AAK1: variants seen among roughly 807,000 people sequenced by gnomAD.
AAK1 encodes AP2-associated protein kinase 1.
In AAK1, 37 loss-of-function variants were observed where a neutral mutation model predicts 116.0. The observed-to-expected ratio is 0.32, with a 90% CI of 0.25 to 0.42. The LOEUF (loss-of-function observed/expected upper bound fraction) is 0.42. Among genes scored for constraint, AAK1 ranks in the 10% least tolerant of loss-of-function variants. The probability of loss-of-function intolerance (pLI) is 1.00; values close to 1 mark genes in which losing one functional copy is unlikely to be tolerated. For synonymous variants in AAK1, 458 were observed against 439.9 expected (o/e 1.04, Z -0.51); for missense variants, 919 against 1,170.6 (o/e 0.79, Z 3.14).
At chr2:69,564,106 T>C (rs6733073) in intron 2 of AAK1, among the ~76,000 whole-genome samples, 6,893 of 151,572 alleles carry the variant, frequency 0.045, 559 homozygotes, top group African/African-American at 0.16. Flanking sequence ...GCAGGAGAAT[T>C]GCTTGAATCA....
Position 69,482,728 on chromosome 2 carries a change from G to A in AAK1, c.2450C>T (p.Thr817Ile). 1 of 1,610,982 alleles carries A rather than the reference G, an allele frequency of 6.2e-7. No homozygotes were observed. The highest frequency in any genetic ancestry group is 8.5e-7 in the Non-Finnish European group (1 of 1,177,152). ...LLPMTDPFGS[T>I]SDAVIEKADV... ...GACTTTACCAATTACAGCATCAGAAGTGCTACCAAAAGGATCTGTCATAGG... is the reference window on the plus strand; with the variant it reads ...GACTTTACCAATTACAGCATCAGAAATGCTACCAAAAGGATCTGTCATAGG... Residue 817 changes from threonine (T) to isoleucine (I), a missense_variant, in exon 18 of 22, where the codon ACT (threonine) becomes ATT (isoleucine). Around this residue, in one of 4 missense-constraint regions of AAK1, gnomAD observed 263 missense variants for 285.5 expected, o/e 0.92. Transcript: ENST00000409085.
chr2:69,587,249 TTA>T (rs1482260711), intron 2 of AAK1, among the ~76,000 whole-genome samples: 1 of 151,024 alleles, frequency 6.6e-6, no homozygotes, highest in Non-Finnish European at 1.5e-5. Context: ...CATGCTCAGC[TTA>T]TATATATATA....
chr2:69,478,781 C>A, intron 20 of AAK1, 170 bp downstream of exon 20: 1 of 575,268 alleles, frequency 1.7e-6, no homozygotes. Context: ...TAAATATTCT[C>A]ACTGAGAGGT....
intron 17 of AAK1, among the ~76,000 whole-genome samples, chr2:69,487,748 A>C (rs1675352809): frequency 6.6e-6 from 1 of 152,020 alleles, no homozygotes; most frequent in African/African-American, 2.4e-5. Flanking sequence ...GAAGAGAAGA[A>C]AATGGTCCAG....
intron 12 of AAK1, among the ~76,000 whole-genome samples, chr2:69,518,002 G>A (rs756720879): frequency 6.6e-5 from 10 of 152,228 alleles, no homozygotes; most frequent in Admixed American, 1.3e-4. Context: ...CATGCTTATA[G>A]TCCTAGCTAC....
At chr2:69,601,910 G>C (rs1361111619) in intron 2 of AAK1, among the ~76,000 whole-genome samples, 1 of 152,154 alleles carries the variant, frequency 6.6e-6, no homozygotes, top group African/African-American at 2.4e-5. Flanking sequence ...CTTAACAGTG[G>C]AGAAGCCTGG....
chr2:69,626,951 C>T (rs1674930493), intron 2 of AAK1, among the ~76,000 whole-genome samples: 1 of 152,120 alleles, frequency 6.6e-6, no homozygotes, highest in African/African-American at 2.4e-5. Flanking sequence ...CAGGCACTCA[C>T]TATTCTAGAC....
intron 2 of AAK1, 34 bp downstream of exon 2, chr2:69,642,844 A>G: frequency 8.1e-6 from 13 of 1,613,132 alleles, no homozygotes; most frequent in Non-Finnish European, 1.0e-5. Flanking sequence ...TCAGCACAAG[A>G]TTTTAATTTA....
intron 2 of AAK1, among the ~76,000 whole-genome samples, chr2:69,569,092 G>C (rs4852851): frequency 0.38 from 57,671 of 152,020 alleles, 11,756 homozygotes; most frequent in East Asian, 0.76. Flanking sequence ...ATAAGTTTCT[G>C]TGCCTCCAGT....
At chr2:69,491,352 T>A (rs1004874898) in intron 17 of AAK1, among the ~76,000 whole-genome samples, 22 of 152,202 alleles carry the variant, frequency 1.4e-4, no homozygotes, top group Non-Finnish European at 2.9e-4. Context: ...AGTGAAATAC[T>A]CTGAGACTCA....
intron 2 of AAK1, among the ~76,000 whole-genome samples, chr2:69,578,262 T>G (rs1267932614): frequency 6.6e-6 from 1 of 152,226 alleles, no homozygotes; most frequent in Non-Finnish European, 1.5e-5. Flanking sequence ...GAAAGATGCC[T>G]TTAGGCTTTT....
intron 2 of AAK1, among the ~76,000 whole-genome samples, chr2:69,596,309 C>T (rs1290941642): frequency 6.6e-6 from 1 of 151,744 alleles, no homozygotes; most frequent in African/African-American, 2.4e-5. Context: ...AGACCTTGGC[C>T]TCCCAGGTTC....
chr2:69,562,140 A>T (rs1671669170), intron 2 of AAK1, among the ~76,000 whole-genome samples: 1 of 152,190 alleles, frequency 6.6e-6, no homozygotes, highest in Non-Finnish European at 1.5e-5. Context: ...CCCTTTATGT[A>T]TAAGAAACTG....
intron 17 of AAK1, among the ~76,000 whole-genome samples, chr2:69,490,850 G>T (rs1675492572): frequency 6.6e-6 from 1 of 151,968 alleles, no homozygotes; most frequent in Non-Finnish European, 1.5e-5. Flanking sequence ...TTAAAAGAAT[G>T]ATTTAAAAAT....
At position 69,473,451 on chromosome 2, in the gene AAK1, T is replaced by C; in HGVS notation, c.*2418A>G. The C allele has an allele frequency of 1.0e-6, 1 of 985,456 alleles. No individual in the cohort carries two copies. Among genetic ancestry groups the C allele is most frequent in the Non-Finnish European group, 1.2e-6 (1 of 829,938 alleles). 61.0% of individuals were successfully genotyped at this position (985,456 alleles called of 1,614,324 possible). A position where few individuals can be genotyped will look rare whatever the true frequency, so the allele number is the denominator to read the frequency against. On this transcript the variant is annotated 3_prime_UTR_variant, in exon 22 of 22. Coordinates refer to ENST00000409085, the MANE Select transcript of AAK1 (RefSeq NM_014911.5). ...TATGTGTTCCTTAACAGAAAAATAG[T>C]TCTCCCCTTTGAGGAGGCCTTACTC... is the stretch of plus-strand genomic sequence containing the variant.
chr2:69,585,606 T>C (rs945513455), intron 2 of AAK1, among the ~76,000 whole-genome samples: 2 of 152,154 alleles, frequency 1.3e-5, no homozygotes, highest in African/African-American at 2.4e-5. Context: ...AAGTCCTGTA[T>C]CTCTCCTGCA....
In AAK1 at chr2:69,463,294, G is replaced by C. The variant is rs1184951245; in HGVS notation, c.*12575C>G. 1.3e-5 allele frequency: 2 copies of C among 152,192 alleles called. No homozygotes were observed. Among genetic ancestry groups the C allele is most frequent in the Admixed American group, 6.5e-5 (1 of 15,280 alleles). 9.4% of individuals were successfully genotyped at this position (152,192 alleles called of 1,614,324 possible). A position where few individuals can be genotyped will look rare whatever the true frequency, so the allele number is the denominator to read the frequency against. ...ATTAAAGTTGAAACCTAATGCAGCA[G>C]TTCTTTCCAGTGAGTTGAACTGCCT... On this transcript the variant is annotated 3_prime_UTR_variant, in exon 22 of 22. Transcript: ENST00000409085.
Position 69,477,010 on chromosome 2 carries a change from A to G in AAK1, c.2681-20T>C, listed in dbSNP as rs1460528535. ...CTGCAGCTTAATACAGAATGCAAGT[A>G]CACAAGCAGAAACAACAGAGGCAGA... On this transcript the variant is annotated intron_variant, in intron 20 of 21. Transcript: ENST00000409085. 6.5e-7 allele frequency: 1 copy of G among 1,549,844 alleles called. No individual in the cohort carries two copies. Among genetic ancestry groups the G allele is most frequent in the Non-Finnish European group, 8.9e-7 (1 of 1,128,998 alleles).
intron 15 of AAK1, among the ~76,000 whole-genome samples, 172 bp from the exon 16 acceptor site, chr2:69,505,845 G>A (rs766945365): frequency 6.6e-6 from 1 of 152,042 alleles, no homozygotes; most frequent in Non-Finnish European, 1.5e-5. Context: ...CTGAGAGAAC[G>A]GCTGAGAAAA....
Sources: gnomAD v4.1 joint callset for allele counts (sites outside exome capture counted in the v4.1 genomes callset) on GRCh38, gnomAD v4.1.1 for gene constraint, gnomAD v4.1.1 regional missense constraint, MANE v1.5 for transcripts, NCBI Gene and HGNC (gene_info 2026-07-23, HGNC 2026-07-21) for gene names.